C10orf88: variants seen among roughly 807,000 people sequenced by gnomAD.
The protein encoded by C10orf88 is chromosome 10 open reading frame 88.
In C10orf88, 29 loss-of-function variants were observed where a neutral mutation model predicts 34.2. The observed-to-expected ratio is 0.85, with a 90% CI of 0.63 to 1.16. The LOEUF is 1.16. C10orf88 is among the 50% of genes most tolerant of loss of function. The pLI is 0.00. For missense variants in C10orf88, 507 were observed against 533.2 expected (o/e 0.95, Z 0.48); for synonymous variants, 194 against 197.4 (o/e 0.98, Z 0.15).
Position 122,931,912 on chromosome 10 carries a change from A to C in C10orf88, c.*515T>G, listed in dbSNP as rs536854090. 19 of 152,906 alleles carry C rather than the reference A, an allele frequency of 1.2e-4. No homozygotes were observed. Among genetic ancestry groups the C allele is most frequent in the Admixed American group, 1.1e-3 (17 of 15,300 alleles). The allele number at this position is 152,906 out of a possible 1,614,324, so 9.5% of individuals were successfully genotyped here. A position where few individuals can be genotyped will look rare whatever the true frequency, so the allele number is the denominator to read the frequency against. Reference sequence around the variant, plus strand: ...ACCCCAGAGTGAACTAAGTTTACACATGCCAAATATCACATCTTATTCATT... The same window carrying C: ...ACCCCAGAGTGAACTAAGTTTACACCTGCCAAATATCACATCTTATTCATT... On this transcript the variant is annotated 3_prime_UTR_variant, in exon 6 of 6. Transcript: ENST00000481909.
intron 4 of C10orf88, among the ~76,000 whole-genome samples, chr10:122,941,799 C>A (rs767326364): frequency 1.3e-5 from 2 of 152,034 alleles, no homozygotes; most frequent in African/African-American, 2.4e-5. Context: ...AATGTCCCTG[C>A]ATTAGTGGTG....
At chr10:122,946,519 C>T (rs1848641046) in intron 4 of C10orf88, among the ~76,000 whole-genome samples, 1 of 152,108 alleles carries the variant, frequency 6.6e-6, no homozygotes, top group African/African-American at 2.4e-5. Flanking sequence ...CCCCTAATCA[C>T]CTTTGTTCTC....
intron 5 of C10orf88, among the ~76,000 whole-genome samples, chr10:122,935,866 T>C (rs1444500384): frequency 2.6e-5 from 4 of 151,794 alleles, no homozygotes; most frequent in African/African-American, 9.7e-5. Flanking sequence ...TTTTTTCATA[T>C]ATTTTATAAG....
At chr10:122,935,612 A>AC (rs1479268465) in intron 5 of C10orf88, among the ~76,000 whole-genome samples, 3 of 151,834 alleles carry the variant, frequency 2.0e-5, no homozygotes, top group Non-Finnish European at 4.4e-5. Context: ...CATTTTAAAA[A>AC]ATTCTCCATT....
At chr10:122,935,701 T>C (rs997577595) in intron 5 of C10orf88, among the ~76,000 whole-genome samples, 3 of 151,896 alleles carry the variant, frequency 2.0e-5, no homozygotes, top group African/African-American at 7.2e-5. Flanking sequence ...TAAATTTATA[T>C]ATCAACTAGG....
chr10:122,939,172 T>C (rs1291352104), intron 4 of C10orf88, among the ~76,000 whole-genome samples: 1 of 151,956 alleles, frequency 6.6e-6, no homozygotes, highest in African/African-American at 2.4e-5. Context: ...TCTGTGCTAG[T>C]ATTGTTTCAA....
rs768542702 is a variant in C10orf88 at position 122,931,887 on chromosome 10, A to G, written c.*540T>C. ...TGTAATGAAACAAATAATATTAACA[A>G]CCCCAGAGTGAACTAAGTTTACACA... On this transcript the variant is annotated 3_prime_UTR_variant, in exon 6 of 6. Coordinates refer to ENST00000481909, the MANE Select transcript of C10orf88 (RefSeq NM_024942.4). 1 of 152,534 alleles carries G rather than the reference A, an allele frequency of 6.6e-6. No individual in the cohort carries two copies. The highest frequency in any genetic ancestry group is 1.5e-5 in the Non-Finnish European group (1 of 68,072). 9.4% of individuals were successfully genotyped at this position (152,534 alleles called of 1,614,324 possible).
chr10:122,937,293 A>G (rs1398987883), intron 5 of C10orf88, among the ~76,000 whole-genome samples: 1 of 152,052 alleles, frequency 6.6e-6, no homozygotes, highest in Non-Finnish European at 1.5e-5. Context: ...AATAATCAGG[A>G]ATTTGCCTAG....
At chr10:122,951,699 G>A (rs1848691473) in intron 3 of C10orf88, among the ~76,000 whole-genome samples, 1 of 152,114 alleles carries the variant, frequency 6.6e-6, no homozygotes, top group South Asian at 2.1e-4. Context: ...AGGCATGGTG[G>A]TGTATGCCTG....
intron 4 of C10orf88, among the ~76,000 whole-genome samples, chr10:122,943,118 A>C (rs1327595862): frequency 2.3e-4 from 35 of 151,358 alleles, no homozygotes; most frequent in African/African-American, 8.1e-4. Flanking sequence ...GCCTGACTTC[A>C]AACTATACTA....
rs1381630787 is a variant in C10orf88, at chr10:122,951,945, A to G, written c.441+9T>C. Reference sequence around the variant, plus strand: ...TAGTTGTCAAATTAGTTTACAACTGACAACTTACCTTTATTTTACAAGCAT... The same window carrying G: ...TAGTTGTCAAATTAGTTTACAACTGGCAACTTACCTTTATTTTACAAGCAT... On this transcript the variant is annotated intron_variant, in intron 3 of 5. Transcript: ENST00000481909. 7.9e-6 allele frequency: 12 copies of G among 1,520,144 alleles called. No homozygotes were observed. The African/African-American group carries it at 1.7e-4, about 21-fold the overall frequency. 94.2% of individuals were successfully genotyped at this position (1,520,144 alleles called of 1,614,324 possible).
At chr10:122,932,818 T>C (rs1465551555) in intron 5 of C10orf88, among the ~76,000 whole-genome samples, 157 bp from the exon 6 acceptor site, 1 of 152,202 alleles carries the variant, frequency 6.6e-6, no homozygotes, top group Non-Finnish European at 1.5e-5. Context: ...ACATCCACAA[T>C]AGGCAACCAC....
At chr10:122,941,883 G>T (rs879092500) in intron 4 of C10orf88, among the ~76,000 whole-genome samples, 1 of 152,048 alleles carries the variant, frequency 6.6e-6, no homozygotes, top group African/African-American at 2.4e-5. Context: ...GGTGGCATGG[G>T]GGAGAGCCTT....
intron 4 of C10orf88, among the ~76,000 whole-genome samples, chr10:122,948,300 C>T (rs1278144749): frequency 6.6e-6 from 1 of 152,092 alleles, no homozygotes; most frequent in Non-Finnish European, 1.5e-5. Context: ...GTGAGCCTTT[C>T]CTTAGTGTTT....
intron 5 of C10orf88, among the ~76,000 whole-genome samples, chr10:122,937,372 A>G (rs1848542999): frequency 6.6e-6 from 1 of 152,002 alleles, no homozygotes; most frequent in Admixed American, 6.6e-5. Flanking sequence ...AAATAGTACA[A>G]ATATATAAAA....
intron 5 of C10orf88, among the ~76,000 whole-genome samples, chr10:122,935,304 T>C (rs1417683908): frequency 6.6e-6 from 1 of 152,068 alleles, no homozygotes; most frequent in Non-Finnish European, 1.5e-5. Context: ...TTTTAATCTA[T>C]AAGTAATTTT....
At chr10:122,942,615 C>A (rs1848596204) in intron 4 of C10orf88, among the ~76,000 whole-genome samples, 2 of 149,134 alleles carry the variant, frequency 1.3e-5, no homozygotes, top group African/African-American at 4.9e-5. Context: ...GATTGTATAT[C>A]TAGAAAACCC....
At chr10:122,938,979 C>A (rs949429911) in intron 4 of C10orf88, among the ~76,000 whole-genome samples, 37 of 151,982 alleles carry the variant, frequency 2.4e-4, no homozygotes, top group African/African-American at 8.9e-4. Flanking sequence ...ACTATAGATT[C>A]TTATCAGGGG....
At chr10:122,936,198 T>G (rs1361826850) in intron 5 of C10orf88, among the ~76,000 whole-genome samples, 1 of 151,942 alleles carries the variant, frequency 6.6e-6, no homozygotes, top group Non-Finnish European at 1.5e-5. Flanking sequence ...GTTTGTGGTT[T>G]TGGGGAAATT....
Sources: allele counts gnomAD v4.1 joint callset (sites outside exome capture counted in the v4.1 genomes callset), GRCh38; gene constraint gnomAD v4.1.1; transcripts MANE v1.5; gene names NCBI Gene and HGNC (gene_info 2026-07-23, HGNC 2026-07-21).